Variants in ACSBG2 observed in about 807,000 individuals in gnomAD.
The protein encoded by ACSBG2 is acyl-CoA synthetase bubblegum family member 2.
ACSBG2 carries 62 observed loss-of-function variants against 74.7 expected under a neutral mutation model. That is an observed-to-expected ratio of 0.83 (90% CI 0.68 to 1.03). The LOEUF (loss-of-function observed/expected upper bound fraction) is 1.03. ACSBG2 is among the 50% of genes least tolerant of loss of function. The pLI, the probability that ACSBG2 is intolerant of heterozygous loss-of-function variation, is 0.00. For synonymous variants in ACSBG2, 309 were observed against 294.1 expected (o/e 1.05, Z -0.52); for missense variants, 730 against 817.6 (o/e 0.89, Z 1.31).
At chr19:6,164,525 C>T (rs2089735470) in intron 6 of ACSBG2, among the ~76,000 whole-genome samples, 1 of 151,738 alleles carries the variant, frequency 6.6e-6, no homozygotes, top group Non-Finnish European at 1.5e-5. Context: ...CTCCACCTCC[C>T]CATTTCAAGC....
At position 6,147,536 on chromosome 19, in the gene ACSBG2, T is replaced by C. The variant is rs186319373; in HGVS notation, c.158T>C (p.Ile53Thr). The change falls in exon 3 of 15, where the codon ATC becomes ACC. Residue 53 changes from isoleucine (I) to threonine (T), a missense_variant. Ile to Thr is a moderately conservative substitution (Grantham distance 89). Transcript: ENST00000588485. The part of the protein sequence containing the change: ...HGPGHETPMT[I>T]PEFFRESVNR... ...CCAGGCCATGAGACCCCGATGACCA[T>C]CCCTGAATTTTTTCGAGAGTCAGTC... The C allele has an allele frequency of 7.4e-5, 119 of 1,614,102 alleles. 1 individual carries two copies. In the Middle Eastern group the frequency reaches 1.6e-3, roughly 22 times the overall value.
At chr19:6,140,224 CAAA>C (rs370796775) in intron 1 of ACSBG2, among the ~76,000 whole-genome samples, 1 of 115,734 alleles carries the variant, frequency 8.6e-6, no homozygotes. Context: ...GACTCCGTCT[CAAA>C]AAAAAAAAAA....
Position 6,185,648 on chromosome 19 carries a change from T to A in ACSBG2, c.1535T>A (p.Ile512Asn). Residue 512 changes from isoleucine (I) to asparagine (N), a missense_variant, in exon 11 of 15, where the codon ATC becomes AAC. Physicochemically the swap from Ile to Asn is moderately radical, Grantham distance 149. Coordinates refer to ENST00000588485, the MANE Select transcript of ACSBG2 (RefSeq NM_030924.5). ...GLGFLYVTGH[I>N]KEILITAGGE... ...GGTTTCCTCTATGTCACCGGCCACA[T>A]CAAAGGTACCAGGGGCTGAGCTCTT... The A allele has an allele frequency of 6.2e-7, 1 of 1,614,112 alleles. No homozygotes were observed. Among genetic ancestry groups the A allele is most frequent in the Non-Finnish European group, 8.5e-7 (1 of 1,180,012 alleles).
At chr19:6,151,602 C>A in intron 3 of ACSBG2, 105 bp from the exon 4 acceptor site, 6 of 1,100,286 alleles carry the variant, frequency 5.5e-6, no homozygotes, top group Non-Finnish European at 8.0e-6. Flanking sequence ...TGAGCCACTG[C>A]GCCTGGCCTC....
At chr19:6,190,818 C>T (rs1377432325) in intron 14 of ACSBG2, 126 bp downstream of exon 14, 6 of 489,178 alleles carry the variant, frequency 1.2e-5, no homozygotes, top group African/African-American at 6.9e-5. Context: ...TACATACACA[C>T]ACACACACAC....
Position 6,187,751 on chromosome 19 carries a change from C to G in ACSBG2, c.1833C>G (p.Ile611Met). 1.2e-6 allele frequency: 2 copies of G among 1,614,122 alleles called. No individual in the cohort carries two copies. The highest frequency in any genetic ancestry group is 1.7e-6 in the Non-Finnish European group (2 of 1,180,018). ...TCTACAAGGCCATCCAGCAAGGCATCAATGCTGTGAACCAGGAAGCCATGA... is the reference window on the plus strand; with the variant it reads ...TCTACAAGGCCATCCAGCAAGGCATGAATGCTGTGAACCAGGAAGCCATGA... Reference protein sequence around the residue: ...PLVYKAIQQGINAVNQEAMNN... With the variant: ...PLVYKAIQQGMNAVNQEAMNN... The change falls in exon 13 of 15, where the codon ATC becomes ATG. Residue 611 changes from isoleucine to methionine, a missense_variant. By Grantham distance (10) the Ile-to-Met change is conservative (BLOSUM62 1). Transcript: ENST00000588485.
At chr19:6,156,672 C>T (rs908443232) in intron 5 of ACSBG2, 121 bp downstream of exon 5, 4 of 1,100,308 alleles carry the variant, frequency 3.6e-6, no homozygotes, top group East Asian at 2.9e-5. Flanking sequence ...ATCTGTTCAG[C>T]GAGTCCTCCA....
rs1482938831 is a variant in ACSBG2 at position 6,156,557 on chromosome 19, C to A, written c.507+6C>A. The A allele has an allele frequency of 6.4e-7, 1 of 1,561,182 alleles. No individual in the cohort carries two copies. The highest frequency in any genetic ancestry group is 1.9e-5 in the Admixed American group (1 of 52,284). On this transcript the variant is annotated splice_donor_region_variant and intron_variant, in intron 5 of 14. Transcript: ENST00000588485. ...AGTTACAGAAAATCCTTTCGGTAAA[C>A]CCCTACCCAGCACTGCCTGCCAAAG...
At chr19:6,151,838 C>T in intron 4 of ACSBG2, 43 bp downstream of exon 4, 1 of 1,541,614 alleles carries the variant, frequency 6.5e-7, no homozygotes, top group Non-Finnish European at 8.8e-7. Context: ...TAAGGAGCCG[C>T]TACCCTGGGC....
rs752941757 is a variant in ACSBG2, at chr19:6,190,578, C to T, written c.1928-6C>T. ...ACAACTCAATTGATTTCTCCTTTCT[C>T]GATAGGTCCAATGATGAAACTTAAG... On this transcript the variant is annotated splice_polypyrimidine_tract_variant and splice_region_variant and intron_variant, in intron 13 of 14. Coordinates refer to ENST00000588485, the MANE Select transcript of ACSBG2 (RefSeq NM_030924.5). 1.3e-5 allele frequency: 21 copies of T among 1,612,660 alleles called. No individual in the cohort carries two copies. The highest frequency in any genetic ancestry group is 1.7e-5 in the Admixed American group (1 of 59,976).
At chr19:6,138,539 GAGGGAGGGAGGGAGGAAGGAAGGAAAGA>G (rs2088672252) in intron 1 of ACSBG2, among the ~76,000 whole-genome samples, 1 of 121,780 alleles carries the variant, frequency 8.2e-6, no homozygotes, top group African/African-American at 3.3e-5. Context: ...GAAGGAAGGG[GAGGGAGGGAGGGAGGAAGGAAGGAAAGA>G]AGGGAGGGAG....
At chr19:6,147,758 C>A in intron 3 of ACSBG2, 83 bp downstream of exon 3, 2 of 1,438,360 alleles carry the variant, frequency 1.4e-6, no homozygotes, top group South Asian at 1.2e-5. Flanking sequence ...GTACAAAATT[C>A]ACAAGGCACC....
At chr19:6,177,003 A>T (rs1348069427) in intron 7 of ACSBG2, among the ~76,000 whole-genome samples, 2 of 151,080 alleles carry the variant, frequency 1.3e-5, no homozygotes, top group African/African-American at 4.9e-5. Context: ...AAAAAAAGTT[A>T]AAAAAAAATT....
At chr19:6,152,151 A>G (rs936919036) in intron 4 of ACSBG2, among the ~76,000 whole-genome samples, 1 of 152,120 alleles carries the variant, frequency 6.6e-6, no homozygotes, top group African/African-American at 2.4e-5. Flanking sequence ...ATCATCCCCT[A>G]TCTACAGATG....
At chr19:6,156,705 GA>G (rs1353012095) in intron 5 of ACSBG2, among the ~76,000 whole-genome samples, 154 bp downstream of exon 5, 2 of 152,002 alleles carry the variant, frequency 1.3e-5, no homozygotes, top group Admixed American at 6.6e-5. Context: ...TATATGTGGT[GA>G]AGCTATTTTT....
In ACSBG2 at chr19:6,165,959, A is replaced by T; in HGVS notation, c.682A>T (p.Ile228Phe). The change falls in exon 7 of 15, where the codon ATC becomes TTC. Residue 228 changes from isoleucine to phenylalanine, a missense_variant. Transcript: ENST00000588485. ...SQKANQCAVLIYTSGTTGIPK... is the reference protein window; with the variant it reads ...SQKANQCAVLFYTSGTTGIPK... ...GAAGGCGAATCAATGCGCAGTGCTC[A>T]TCTACACTTCAGGGACCACAGGCAT... 1 of 1,614,088 alleles carries T rather than the reference A, an allele frequency of 6.2e-7. No individual in the cohort carries two copies. Among genetic ancestry groups the T allele is most frequent in the East Asian group, 2.2e-5 (1 of 44,876 alleles).
chr19:6,137,316 G>T (rs1452890732), intron 1 of ACSBG2: 1 of 152,262 alleles, frequency 6.6e-6, no homozygotes, highest in South Asian at 2.1e-4. Flanking sequence ...AATTAGCCAG[G>T]CGTAGTGGCA....
In ACSBG2 at chr19:6,184,838, A is replaced by G. The variant is rs1294289780; in HGVS notation, c.1323-598A>G. Among the ~76,000 whole-genome samples, 329 of 99,270 alleles carry G rather than the reference A, an allele frequency of 3.3e-3. 12 individuals carry two copies. Among genetic ancestry groups the G allele is most frequent in the African/African-American group, 0.021 (304 of 14,442 alleles). The allele number at this position is 99,270 out of a possible 152,430, so 65.1% of individuals were successfully genotyped here. On this transcript the variant is annotated intron_variant, in intron 10 of 14. Transcript: ENST00000588485. ...TGCCGGCATATGTGGAGATGAAAAAAAAAAAAAAAAAAAAAAAAAAAAAAA... is the reference window on the plus strand; with the variant it reads ...TGCCGGCATATGTGGAGATGAAAAAGAAAAAAAAAAAAAAAAAAAAAAAAA...
At chr19:6,169,953 C>A (rs993122586) in intron 7 of ACSBG2, among the ~76,000 whole-genome samples, 1 of 152,026 alleles carries the variant, frequency 6.6e-6, no homozygotes, top group Non-Finnish European at 1.5e-5. Context: ...TTATTGAAGT[C>A]ATTTATCTAG....
Sources: allele counts gnomAD v4.1 joint callset (sites outside exome capture counted in the v4.1 genomes callset), GRCh38; gene constraint gnomAD v4.1.1; transcripts MANE v1.5; gene names NCBI Gene and HGNC (gene_info 2026-07-23, HGNC 2026-07-21).